CCDC180: variants seen among roughly 807,000 people sequenced by gnomAD.
CCDC180 encodes the protein coiled-coil domain-containing protein 180.
CCDC180 carries 154 observed loss-of-function variants against 209.2 expected under a neutral mutation model. The observed-to-expected ratio is 0.74, with a 90% CI of 0.65 to 0.84. CCDC180 has a LOEUF of 0.84. CCDC180 is among the 40% of genes least tolerant of loss of function. The pLI, the probability that CCDC180 is intolerant of heterozygous loss-of-function variation, is 0.00. For synonymous variants in CCDC180, 778 were observed against 749.1 expected (o/e 1.04, Z -0.63); for missense variants, 1,874 against 1,997.3 (o/e 0.94, Z 1.18).
chr9:97,310,533 A>G (rs937526056), intron 3 of CCDC180, among the ~76,000 whole-genome samples: 46 of 152,296 alleles, frequency 3.0e-4, no homozygotes, highest in African/African-American at 1.1e-3. Flanking sequence ...AGGAAGAAAC[A>G]GATCTTCCCA....
chr9:97,353,960 C>G (rs1280318135), intron 22 of CCDC180, among the ~76,000 whole-genome samples: 1 of 151,556 alleles, frequency 6.6e-6, no homozygotes, highest in African/African-American at 2.4e-5. Context: ...GCCCACATTC[C>G]AAGCTCCCCT....
At chr9:97,309,793 A>G (rs1005017898) in intron 3 of CCDC180, among the ~76,000 whole-genome samples, 189 bp downstream of exon 3, 3 of 152,122 alleles carry the variant, frequency 2.0e-5, no homozygotes, top group Non-Finnish European at 4.4e-5. Context: ...CCACTCCCAC[A>G]GTCATTATTG....
At chr9:97,333,372 C>T (rs943260790) in intron 18 of CCDC180, among the ~76,000 whole-genome samples, 2 of 152,084 alleles carry the variant, frequency 1.3e-5, no homozygotes, top group African/African-American at 4.8e-5. Flanking sequence ...CAGCGTGATT[C>T]CGGCTTCATA....
Position 97,366,129 on chromosome 9 carries a change from C to G in CCDC180, c.4047+390C>G, listed in dbSNP as rs946317792. ...CAGTGCCCTGTTCCCACATGCCCTG[C>G]ACCGTAGTGCGAGTGCCTTCTCCTG... On this transcript the variant is annotated intron_variant, in intron 30 of 36. Coordinates refer to ENST00000529487, the MANE Select transcript of CCDC180 (RefSeq NM_020893.6). The surrounding 1 kb of genome is among the most constrained non-coding windows in gnomAD (Gnocchi z 4.3). Among the ~76,000 whole-genome samples the G allele has an allele frequency of 1.3e-5, 2 of 152,184 alleles. No homozygotes were observed. Among genetic ancestry groups the G allele is most frequent in the African/African-American group, 4.8e-5 (2 of 41,450 alleles).
intron 9 of CCDC180, among the ~76,000 whole-genome samples, chr9:97,317,489 T>C (rs1014648973): frequency 2.0e-5 from 3 of 152,218 alleles, no homozygotes; most frequent in African/African-American, 7.2e-5. Flanking sequence ...TGCAGTTTCA[T>C]ATTTTATTCA....
At chr9:97,345,676 A>C in intron 19 of CCDC180, 1 of 377,908 alleles carries the variant, frequency 2.6e-6, no homozygotes, top group Non-Finnish European at 5.1e-6. Flanking sequence ...GCCTGAACCC[A>C]GGAGGCGGAG....
At chr9:97,323,736 G>T in intron 12 of CCDC180, 45 bp from the exon 13 acceptor site, 2 of 1,529,548 alleles carry the variant, frequency 1.3e-6, no homozygotes, top group South Asian at 1.2e-5. Context: ...TGCCTGTGGG[G>T]ACCTCAGTCC....
intron 10 of CCDC180, among the ~76,000 whole-genome samples, chr9:97,319,366 T>C (rs911373950): frequency 1.3e-5 from 2 of 152,190 alleles, no homozygotes; most frequent in Admixed American, 6.5e-5. Context: ...CAGGGGTACA[T>C]GTGCAGGTTT....
At chr9:97,324,971 C>G in intron 13 of CCDC180, 48 bp from the exon 14 acceptor site, 2 of 1,572,930 alleles carry the variant, frequency 1.3e-6, no homozygotes, top group South Asian at 2.4e-5. Context: ...CTTCTTGGCC[C>G]TGGGACTGTC....
chr9:97,337,413 GAGAT>G (rs1324837531), intron 18 of CCDC180, among the ~76,000 whole-genome samples: 1 of 152,158 alleles, frequency 6.6e-6, no homozygotes, highest in East Asian at 1.9e-4. Flanking sequence ...TGCATCTATT[GAGAT>G]AATCATGTGG....
chr9:97,363,895 G>A, intron 28 of CCDC180, 156 bp from the exon 29 acceptor site: 1 of 661,646 alleles, frequency 1.5e-6, no homozygotes, highest in Non-Finnish European at 2.7e-6. Flanking sequence ...TGTTGAGAAG[G>A]GAAACGCCCC....
At chr9:97,309,311 G>T (rs1018217078) in intron 2 of CCDC180, 103 bp from the exon 3 acceptor site, 133 of 1,158,942 alleles carry the variant, frequency 1.1e-4, no homozygotes, top group Non-Finnish European at 1.4e-4. Flanking sequence ...CTTCCTGGGG[G>T]CAGCTCTCTG....
At position 97,362,407 on chromosome 9, in the gene CCDC180, G is replaced by C; in HGVS notation, c.3868G>C (p.Ala1290Pro). The C allele has an allele frequency of 1.2e-6, 2 of 1,614,148 alleles. No homozygotes were observed. The highest frequency in any genetic ancestry group is 4.5e-5 in the East Asian group (2 of 44,870). ...RCQPENSGKK[A>P]VPSASATSAG... is the part of the protein sequence containing the mutation. ...CCAGCCAGAAAACTCTGGGAAGAAG[G>C]CTGTACCCAGTGCCAGTGCTACCTC... Residue 1290 changes from alanine (A) to proline (P), a missense_variant, in exon 28 of 37, where the codon GCT becomes CCT. Ala to Pro is a conservative substitution (Grantham distance 27, BLOSUM62 -1). Transcript: ENST00000529487.
chr9:97,343,945 A>G (rs371646476), intron 19 of CCDC180, among the ~76,000 whole-genome samples: 3 of 152,226 alleles, frequency 2.0e-5, no homozygotes, highest in East Asian at 3.9e-4. Flanking sequence ...TAAATATCTC[A>G]TGTATGGTAT....
At chr9:97,351,799 T>C (rs191771730) in intron 22 of CCDC180, among the ~76,000 whole-genome samples, 1 of 152,242 alleles carries the variant, frequency 6.6e-6, no homozygotes, top group East Asian at 1.9e-4. Context: ...TTTCCACCCC[T>C]GAAGTTTCAA....
At chr9:97,342,011 A>G (rs1005412091) in intron 18 of CCDC180, among the ~76,000 whole-genome samples, 1 of 152,168 alleles carries the variant, frequency 6.6e-6, no homozygotes, top group Non-Finnish European at 1.5e-5. Context: ...CTGGTGTGCC[A>G]TTTGCCAAGA....
chr9:97,354,589 A>G lies in CCDC180; in HGVS notation c.3023A>G (p.Asn1008Ser), dbSNP rs1564169537. Reference protein sequence around the residue: ...KHCRLFSEGGNFSPKEINSLC... With the variant: ...KHCRLFSEGGSFSPKEINSLC... ...TTCAGATTGTTTTCAGAGGGAGGCA[A>G]CTTTTCTCCTAAAGAAATCAATTCA... Residue 1008 changes from asparagine (N) to serine (S), a missense_variant, in exon 23 of 37, where the codon AAC becomes AGC. Asn to Ser is a conservative substitution (Grantham distance 46, BLOSUM62 1). Coordinates refer to ENST00000529487, the MANE Select transcript of CCDC180 (RefSeq NM_020893.6). The G allele has an allele frequency of 1.9e-6, 3 of 1,614,220 alleles. No individual in the cohort carries two copies. The highest frequency in any genetic ancestry group is 1.1e-5 in the South Asian group (1 of 91,084).
Position 97,366,751 on chromosome 9 carries a change from AGTG to A in CCDC180, c.4189+56_4189+58del. On this transcript the variant is annotated intron_variant, in intron 31 of 36. Transcript: ENST00000529487. This position sits in a 1 kb window ranked among gnomAD's most constrained non-coding sequence, Gnocchi z 4.3. The stretch of plus-strand genomic sequence containing the variant: ...GGGGAACAGGGCGGGGCGCGAAGCC[AGTG>A]GTGGAGCTCGGCCTTGGCCTTGTGG... 6.3e-7 allele frequency: 1 copy of A among 1,594,916 alleles called. No individual in the cohort carries two copies. Among genetic ancestry groups the A allele is most frequent in the South Asian group, 1.1e-5 (1 of 87,896 alleles).
chr9:97,376,964 A>G lies in CCDC180; in HGVS notation c.*70A>G. 6 of 1,530,418 alleles carry G rather than the reference A, an allele frequency of 3.9e-6. No homozygotes were observed. The highest frequency in any genetic ancestry group is 2.4e-5 in the South Asian group (2 of 82,528). 94.8% of individuals were successfully genotyped at this position (1,530,418 alleles called of 1,614,324 possible). On this transcript the variant is annotated 3_prime_UTR_variant, in exon 37 of 37. Transcript: ENST00000529487. Reference sequence around the variant, plus strand: ...TCCCTGTCCATCTACCTGCCTACCTACTTTCCGTCCATCCCTCCCTCCCTT... The same window carrying G: ...TCCCTGTCCATCTACCTGCCTACCTGCTTTCCGTCCATCCCTCCCTCCCTT...
Sources: allele counts gnomAD v4.1 joint callset (sites outside exome capture counted in the v4.1 genomes callset), GRCh38; gene constraint gnomAD v4.1.1; non-coding constraint Gnocchi (gnomAD v3.1); transcripts MANE v1.5; gene names NCBI Gene and HGNC (gene_info 2026-07-23, HGNC 2026-07-21).